The following ZNF268 variants were observed in gnomAD, a reference collection of about 807,000 sequenced individuals.
ZNF268 encodes zinc finger protein 3.
Under a neutral mutation model 29.3 loss-of-function variants are expected in ZNF268, and 20 were observed. The ratio of observed to expected loss-of-function variants is 0.68; its 90% confidence interval spans 0.48 to 0.99. The LOEUF (loss-of-function observed/expected upper bound fraction) is 0.99, where lower values mean the gene tolerates loss of function less well. Among genes scored for constraint, ZNF268 ranks in the 50% least tolerant of loss-of-function variants. ZNF268 has a pLI of 0.00. For missense variants in ZNF268, 1,240 were observed against 1,121.6 expected, an observed-to-expected ratio of 1.11 and a Z score of -1.51; for synonymous variants, 429 against 376.9, an observed-to-expected ratio of 1.14 and a Z score of -1.60.
chr12:133,210,155 T>G lies in ZNF268; in HGVS notation c.*5625T>G, dbSNP rs1956956165. ...CTCACTTTTCCTCATCTTTTCCTCC[T>G]GTGGCCTCCATGTATCCCAAAGGTG... On this transcript the variant is annotated 3_prime_UTR_variant, in exon 6 of 6. Transcript: ENST00000536435. 1 of 152,354 alleles carries G rather than the reference T, an allele frequency of 6.6e-6. No homozygotes were observed. The highest frequency in any genetic ancestry group is 1.5e-5 in the Non-Finnish European group (1 of 68,136). 9.4% of individuals were successfully genotyped at this position (152,354 alleles called of 1,614,324 possible).
At position 133,187,897 on chromosome 12, in the gene ZNF268, G is replaced by A. The variant is rs1159421117; in HGVS notation, c.59G>A (p.Ser20Asn). ...GTCCCACCTCTCCAAGAACGAAACA[G>A]TTCATGGGATAGGATCAGAAAGCTC... ...IWVPPLQERN[S>N]SWDRIRKLQG... is the part of the protein sequence containing the mutation. Residue 20 changes from serine (S) to asparagine (N), a missense_variant, in exon 3 of 6, where the codon AGT (serine) becomes AAT (asparagine). This residue lies in a region of ZNF268 where 51 missense variants were observed against 51.4 expected (regional missense o/e 0.99). Transcript: ENST00000536435. The A allele has an allele frequency of 1.3e-6, 2 of 1,598,728 alleles. No homozygotes were observed. Among genetic ancestry groups the A allele is most frequent in the Non-Finnish European group, 8.5e-7 (1 of 1,172,414 alleles).
chr12:133,193,919 C>A (rs1208938150), intron 5 of ZNF268, among the ~76,000 whole-genome samples: 2 of 152,242 alleles, frequency 1.3e-5, no homozygotes, highest in East Asian at 3.9e-4. Context: ...CTTTGTTTAT[C>A]CTGTTTTTTA....
intron 2 of ZNF268, among the ~76,000 whole-genome samples, chr12:133,186,527 C>G (rs1435970915): frequency 6.6e-6 from 1 of 151,962 alleles, no homozygotes; most frequent in Non-Finnish European, 1.5e-5. Flanking sequence ...GTGTACGCTG[C>G]CACGCCTGGC....
chr12:133,203,700 C>T lies in ZNF268; in HGVS notation c.2014C>T (p.Gln672Ter). 1 of 1,546,858 alleles carries T rather than the reference C, an allele frequency of 6.5e-7. No individual in the cohort carries two copies. The highest frequency in any genetic ancestry group is 8.7e-7 in the Non-Finnish European group (1 of 1,151,926). The change falls in exon 6 of 6, where the codon CAA becomes TAA. Residue 672 changes from glutamine to a stop codon, truncating the protein, a stop_gained. Transcript: ENST00000536435. LOFTEE classifies it low-confidence loss of function (END_TRUNC). Reference sequence around the variant, plus strand: ...TGGAGTAAAACCCTATGGATGCAGTCAATGTGCAAAAACCTTTAGTTTGAA... The same window carrying T: ...TGGAGTAAAACCCTATGGATGCAGTTAATGTGCAAAAACCTTTAGTTTGAA... ...HTGVKPYGCS[Q>*]CAKTFSLKSQ...
intron 5 of ZNF268, 91 bp downstream of exon 5, chr12:133,192,094 G>C: frequency 1.1e-6 from 1 of 925,394 alleles, no homozygotes; most frequent in Non-Finnish European, 1.6e-6. Flanking sequence ...TTTGCCTCGT[G>C]TATTACCATG....
At chr12:133,194,565 C>T (rs1458943997) in intron 5 of ZNF268, among the ~76,000 whole-genome samples, 1 of 152,130 alleles carries the variant, frequency 6.6e-6, no homozygotes, top group Admixed American at 6.5e-5. Context: ...CCAGGAAGTC[C>T]CAAGCAGACT....
chr12:133,184,187 C>T (rs1956249740), intron 2 of ZNF268, among the ~76,000 whole-genome samples: 2 of 151,818 alleles, frequency 1.3e-5, no homozygotes, highest in African/African-American at 4.8e-5. Flanking sequence ...CTCACTGCAA[C>T]CTCTGCCTCC....
chr12:133,213,467 T>G lies in ZNF268; in HGVS notation c.*8937T>G, dbSNP rs1045870072. On this transcript the variant is annotated 3_prime_UTR_variant, in exon 6 of 6. Transcript: ENST00000536435. ...GGGAGGCCAAGGTGGGAGGATCACTTGAGGTCAGGAGTGCGAGACCAGCCT... is the reference window on the plus strand; with the variant it reads ...GGGAGGCCAAGGTGGGAGGATCACTGGAGGTCAGGAGTGCGAGACCAGCCT... 7 of 140,342 alleles carry G rather than the reference T, an allele frequency of 5.0e-5. No homozygotes were observed. Among genetic ancestry groups the G allele is most frequent in the Non-Finnish European group, 7.7e-5 (5 of 64,664 alleles). The allele number at this position is 140,342 out of a possible 1,614,324, so 8.7% of individuals were successfully genotyped here. A position where few individuals can be genotyped will look rare whatever the true frequency, so the allele number is the denominator to read the frequency against.
rs147716177 is a variant in ZNF268, at chr12:133,204,540, G to A, written c.*10G>A. On this transcript the variant is annotated 3_prime_UTR_variant, in exon 6 of 6. Transcript: ENST00000536435. ...AGATGACAAACATTGATAATTTTAC[G>A]AAACTCTGAAAAGTGGATTCACAAG... is the stretch of plus-strand genomic sequence containing the variant. 1.8e-4 allele frequency: 264 copies of A among 1,475,228 alleles called. No individual in the cohort carries two copies. In the East Asian group the frequency reaches 4.2e-3, roughly 23 times the overall value. 91.4% of individuals were successfully genotyped at this position (1,475,228 alleles called of 1,614,324 possible).
chr12:133,191,416 G>A (rs779293838), intron 3 of ZNF268, 73 bp from the exon 4 acceptor site: 98 of 1,566,226 alleles, frequency 6.3e-5, no homozygotes, highest in Non-Finnish European at 8.1e-5. Flanking sequence ...ATAAATAATG[G>A]ACACCCTAAA....
chr12:133,207,291 ATTT>A lies in ZNF268; in HGVS notation c.*2762_*2764del, dbSNP rs1956915546. ...GGAGAAAAAATGACTTGCAAACCAT[ATTT>A]GTGAACATAGGTTTAAAAATCCATA... On this transcript the variant is annotated 3_prime_UTR_variant, in exon 6 of 6. Transcript: ENST00000536435. 1 of 22,556 alleles carries A rather than the reference ATTT, an allele frequency of 4.4e-5. No homozygotes were observed. Among genetic ancestry groups the A allele is most frequent in the Non-Finnish European group, 1.0e-4 (1 of 9,736 alleles). 1.4% of individuals were successfully genotyped at this position (22,556 alleles called of 1,614,324 possible). A position where few individuals can be genotyped will look rare whatever the true frequency, so the allele number is the denominator to read the frequency against.
In ZNF268 at chr12:133,205,126, A is replaced by C. The variant is rs1956867851; in HGVS notation, c.*596A>C. ...AAACCACAGCTGGACTGTTAACCTC[A>C]CCTTAGAAGCTTCATTCTAAAAAAA... On this transcript the variant is annotated 3_prime_UTR_variant, in exon 6 of 6. Transcript: ENST00000536435. 1 of 129,946 alleles carries C rather than the reference A, an allele frequency of 7.7e-6. No homozygotes were observed. The highest frequency in any genetic ancestry group is 1.6e-5 in the Non-Finnish European group (1 of 63,462). The allele number at this position is 129,946 out of a possible 1,614,324, so 8.0% of individuals were successfully genotyped here.
Position 133,203,323 on chromosome 12 carries a change from A to G in ZNF268, c.1637A>G (p.His546Arg). The change falls in exon 6 of 6, where the codon CAT becomes CGT. Residue 546 changes from histidine to arginine, a missense_variant. His to Arg is a conservative substitution (Grantham distance 29, BLOSUM62 0). Coordinates refer to ENST00000536435, the MANE Select transcript of ZNF268 (RefSeq NM_003415.3). ...AFSFKSQLII[H>R]QRIHTGENPY... Reference sequence around the variant, plus strand: ...AGTTTTAAATCACAGCTCATTATACATCAGAGGATTCATACAGGAGAGAAC... The same window carrying G: ...AGTTTTAAATCACAGCTCATTATACGTCAGAGGATTCATACAGGAGAGAAC... The G allele has an allele frequency of 1.3e-6, 2 of 1,544,780 alleles. No individual in the cohort carries two copies. The highest frequency in any genetic ancestry group is 1.7e-6 in the Non-Finnish European group (2 of 1,149,508).
In ZNF268 at chr12:133,203,456, A is replaced by G; in HGVS notation, c.1770A>G (p.Gly590=). The change falls in exon 6 of 6, where the codon GGA becomes GGG. Residue 590 remains glycine (G), a synonymous_variant. Coordinates refer to ENST00000536435, the MANE Select transcript of ZNF268 (RefSeq NM_003415.3). ...GEKPYECTDC[G]KAFGLKSQLI... is the part of the protein sequence containing the mutation. ...AGCCTTATGAATGCACCGACTGTGG[A>G]AAGGCTTTTGGTTTAAAGTCACAGC... is the stretch of plus-strand genomic sequence containing the variant. The G allele has an allele frequency of 1.9e-6, 3 of 1,541,970 alleles. No individual in the cohort carries two copies. Among genetic ancestry groups the G allele is most frequent in the South Asian group, 2.4e-5 (2 of 84,288 alleles).
Position 133,210,985 on chromosome 12 carries a change from C to A in ZNF268, c.*6455C>A, listed in dbSNP as rs1566396137. ...TCCCAGTGAACCCCTGAAATTCAAT[C>A]TTACGATTTTCCATGCCATAATTTT... On this transcript the variant is annotated 3_prime_UTR_variant, in exon 6 of 6. Coordinates refer to ENST00000536435, the MANE Select transcript of ZNF268 (RefSeq NM_003415.3). 1 of 455,902 alleles carries A rather than the reference C, an allele frequency of 2.2e-6. No individual in the cohort carries two copies. Among genetic ancestry groups the A allele is most frequent in the Admixed American group, 2.3e-5 (1 of 42,556 alleles). The allele number at this position is 455,902 out of a possible 1,614,324, so 28.2% of individuals were successfully genotyped here.
Position 133,203,544 on chromosome 12 carries a change from G to A in ZNF268, c.1858G>A (p.Ala620Thr). The change falls in exon 6 of 6, where the codon GCC becomes ACC. Residue 620 changes from alanine (A) to threonine (T), a missense_variant. Coordinates refer to ENST00000536435, the MANE Select transcript of ZNF268 (RefSeq NM_003415.3). Reference sequence around the variant, plus strand: ...ATTTGAATGTAGTGAGTGTCAGAAAGCCTTTAATACAAAGTCAAACCTGAT... The same window carrying A: ...ATTTGAATGTAGTGAGTGTCAGAAAACCTTTAATACAAAGTCAAACCTGAT... ...KPFECSECQKAFNTKSNLIVH... is the reference protein window; with the variant it reads ...KPFECSECQKTFNTKSNLIVH... 1 of 1,552,834 alleles carries A rather than the reference G, an allele frequency of 6.4e-7. No individual in the cohort carries two copies. Among genetic ancestry groups the A allele is most frequent in the Non-Finnish European group, 8.7e-7 (1 of 1,152,416 alleles).
intron 5 of ZNF268, chr12:133,193,586 C>T (rs1956526231): frequency 1.7e-6 from 1 of 581,000 alleles, no homozygotes. Context: ...AAGATCATTC[C>T]CTCAAGCCCT....
At position 133,205,062 on chromosome 12, in the gene ZNF268, A is replaced by AT. The variant is rs1424600213; in HGVS notation, c.*532_*533insT. The AT allele has an allele frequency of 1.3e-5, 2 of 151,188 alleles. No homozygotes were observed. The highest frequency in any genetic ancestry group is 1.9e-4 in the East Asian group (1 of 5,170). The allele number at this position is 151,188 out of a possible 1,614,324, so 9.4% of individuals were successfully genotyped here. A position where few individuals can be genotyped will look rare whatever the true frequency, so the allele number is the denominator to read the frequency against. ...AGAAATGAGAAACCCCTAGGGAAAA[A>AT]ATATATATAGGAGTGAACATCTTAT... On this transcript the variant is annotated 3_prime_UTR_variant, in exon 6 of 6. Transcript: ENST00000536435.
chr12:133,204,405 C>T lies in ZNF268; in HGVS notation c.2719C>T (p.Leu907Phe), dbSNP rs752852846. The change falls in exon 6 of 6, where the codon CTC becomes TTC. Residue 907 changes from leucine to phenylalanine, a missense_variant. This residue lies in a region of ZNF268 where 1,177 missense variants were observed against 1,039.6 expected (regional missense o/e 1.13). Coordinates refer to ENST00000536435, the MANE Select transcript of ZNF268 (RefSeq NM_003415.3). ...GAAAACCTTCTCTCAAAAATCAATT[C>T]TCAGTGCACATCAGAGAACACATAC... ...CGKTFSQKSILSAHQRTHTGE... is the reference protein window; with the variant it reads ...CGKTFSQKSIFSAHQRTHTGE... 9 of 1,570,060 alleles carry T rather than the reference C, an allele frequency of 5.7e-6. No homozygotes were observed. In the East Asian group the frequency reaches 6.9e-5, roughly 12 times the overall value.
Sources: allele counts gnomAD v4.1 joint callset (sites outside exome capture counted in the v4.1 genomes callset), GRCh38; gene constraint gnomAD v4.1.1; regional missense constraint gnomAD v4.1.1; transcripts MANE v1.5; gene names NCBI Gene and HGNC (gene_info 2026-07-23, HGNC 2026-07-21).